The following DPF3 variants were observed in gnomAD, a reference collection of about 807,000 sequenced individuals.
DPF3 encodes double PHD fingers 3.
DPF3 carries 18 observed loss-of-function variants against 56.8 expected under a neutral mutation model. That is an observed-to-expected ratio of 0.32 (90% CI 0.22 to 0.47). The LOEUF is 0.47. DPF3 is among the 20% of genes least tolerant of loss of function. The probability of loss-of-function intolerance (pLI) is 1.00; values close to 1 mark genes in which losing one functional copy is unlikely to be tolerated. For missense variants in DPF3, 403 were observed against 488.8 expected, an observed-to-expected ratio of 0.82 and a Z score of 1.65; for synonymous variants, 188 against 180.2, an observed-to-expected ratio of 1.04 and a Z score of -0.35.
intron 1 of DPF3, among the ~76,000 whole-genome samples, chr14:72,878,921 C>T (rs888126484): frequency 1.3e-5 from 2 of 152,242 alleles, no homozygotes; most frequent in African/African-American, 2.4e-5. Flanking sequence ...AGGAATTCTG[C>T]CTTTTTCAGA....
intron 3 of DPF3, among the ~76,000 whole-genome samples, chr14:72,742,919 C>A (rs1599401545): frequency 6.6e-6 from 1 of 152,234 alleles, no homozygotes; most frequent in South Asian, 2.1e-4. Context: ...TCCGCCTGGA[C>A]CACCCCTTTG....
intron 1 of DPF3, among the ~76,000 whole-genome samples, chr14:72,824,737 A>T (rs1883714603): frequency 6.6e-6 from 1 of 151,540 alleles, no homozygotes; most frequent in African/African-American, 2.4e-5. Context: ...ACCCCTGGCT[A>T]ATTTTTGTAT....
intron 7 of DPF3, 134 bp from the exon 8 acceptor site, chr14:72,674,502 G>C: frequency 1.5e-6 from 2 of 1,318,790 alleles, no homozygotes; most frequent in Non-Finnish European, 2.0e-6. Flanking sequence ...TGGCAAATTG[G>C]GCTACGCTTT....
intron 1 of DPF3, among the ~76,000 whole-genome samples, chr14:72,776,215 G>T (rs996187225): frequency 6.6e-6 from 1 of 152,128 alleles, no homozygotes; most frequent in East Asian, 1.9e-4. Flanking sequence ...TTAGGCTAGA[G>T]GAAGCTGGCA....
At chr14:72,755,069 G>A (rs1890736864) in intron 2 of DPF3, among the ~76,000 whole-genome samples, 1 of 152,240 alleles carries the variant, frequency 6.6e-6, no homozygotes, top group African/African-American at 2.4e-5. Flanking sequence ...GCCCAGGCCT[G>A]AGGCCAGAGC....
chr14:72,677,378 G>C (rs2153571119), intron 7 of DPF3, among the ~76,000 whole-genome samples: 1 of 152,228 alleles, frequency 6.6e-6, no homozygotes, highest in Admixed American at 6.5e-5. Context: ...AAACATTTTG[G>C]TACTTGGGAT....
rs1055603399 is a variant in DPF3 at position 72,618,898 on chromosome 14, A to C, written c.*399T>G. Among the ~76,000 whole-genome samples, 4 of 152,214 alleles carry C rather than the reference A, an allele frequency of 2.6e-5. No homozygotes were observed. Among genetic ancestry groups the C allele is most frequent in the Admixed American group, 2.0e-4 (3 of 15,284 alleles). ...AGCTGGGGGCACGGGGGCTGTGCCA[A>C]GATTTCTTGGAACACAATAGATAAA... is the stretch of plus-strand genomic sequence containing the variant. On this transcript the variant is annotated 3_prime_UTR_variant, in exon 11 of 11. Coordinates refer to ENST00000556509, the MANE Select transcript of DPF3 (RefSeq NM_001280542.3).
chr14:72,836,535 C>G, intron 1 of DPF3: 1 of 983,860 alleles, frequency 1.0e-6, no homozygotes, highest in Non-Finnish European at 1.2e-6. Flanking sequence ...TTATGATTGC[C>G]CTGTGGTTGC....
chr14:72,808,091 G>C (rs1388943332), intron 1 of DPF3, among the ~76,000 whole-genome samples: 1 of 152,176 alleles, frequency 6.6e-6, no homozygotes, highest in Admixed American at 6.5e-5. Flanking sequence ...GTAAGGATAA[G>C]GTGGGAGTTA....
intron 8 of DPF3, among the ~76,000 whole-genome samples, chr14:72,651,305 G>T (rs890647123): frequency 6.6e-6 from 1 of 152,216 alleles, no homozygotes; most frequent in Non-Finnish European, 1.5e-5. Context: ...CTCAGCCAGC[G>T]ACTGACCCCT....
At chr14:72,857,957 G>A (rs114522612) in intron 1 of DPF3, among the ~76,000 whole-genome samples, 6,815 of 151,952 alleles carry the variant, frequency 0.045, 433 homozygotes, top group African/African-American at 0.14. Context: ...AAACTGTGTG[G>A]GTGAGAAAAG....
intron 3 of DPF3, among the ~76,000 whole-genome samples, chr14:72,739,282 C>T (rs1890031922): frequency 6.6e-6 from 1 of 151,790 alleles, no homozygotes; most frequent in African/African-American, 2.4e-5. Context: ...ATACAGACAA[C>T]CAGAAAGTGC....
intron 1 of DPF3, among the ~76,000 whole-genome samples, chr14:72,794,767 C>G (rs1362665085): frequency 6.6e-6 from 1 of 152,154 alleles, no homozygotes; most frequent in Non-Finnish European, 1.5e-5. Context: ...TTTTACGGTT[C>G]TAGAGGTCAG....
chr14:72,853,034 C>CGTGTGTGT (rs10522943), intron 1 of DPF3, among the ~76,000 whole-genome samples: 1,859 of 144,092 alleles, frequency 0.013, 44 homozygotes, highest in African/African-American at 0.033. Flanking sequence ...CATAGCCTTG[C>CGTGTGTGT]GTGTGTGTGT....
At chr14:72,662,980 A>C in intron 8 of DPF3, 4 of 521,246 alleles carry the variant, frequency 7.7e-6, no homozygotes, top group Non-Finnish European at 9.8e-6. Flanking sequence ...CCACCAACTA[A>C]TTGCCAAGTT....
chr14:72,628,166 T>C (rs1884946082), intron 9 of DPF3, among the ~76,000 whole-genome samples: 1 of 152,134 alleles, frequency 6.6e-6, no homozygotes, highest in East Asian at 1.9e-4. Flanking sequence ...GTTATAGAGA[T>C]AGTGAGCATC....
intron 7 of DPF3, among the ~76,000 whole-genome samples, chr14:72,676,573 G>A (rs1886918158): frequency 6.6e-6 from 1 of 152,168 alleles, no homozygotes; most frequent in South Asian, 2.1e-4. Flanking sequence ...ACATGTCATG[G>A]GAGAGACTGA....
rs771441311 is a variant in DPF3 at position 72,612,764 on chromosome 14, T to C, written c.*6533A>G. 2.7e-6 allele frequency: 1 copy of C among 366,722 alleles called. No individual in the cohort carries two copies. 22.7% of individuals were successfully genotyped at this position (366,722 alleles called of 1,614,324 possible). A position where few individuals can be genotyped will look rare whatever the true frequency, so the allele number is the denominator to read the frequency against. On this transcript the variant is annotated 3_prime_UTR_variant, in exon 11 of 11. Coordinates refer to ENST00000556509, the MANE Select transcript of DPF3 (RefSeq NM_001280542.3). Reference sequence around the variant, plus strand: ...CCCAACTATTGCCAAATATCTTTCATGAAAAGAAGCATAGGTGAACGAAGG... The same window carrying C: ...CCCAACTATTGCCAAATATCTTTCACGAAAAGAAGCATAGGTGAACGAAGG...
chr14:72,757,881 A>T (rs1236522376), intron 2 of DPF3, among the ~76,000 whole-genome samples: 1 of 152,114 alleles, frequency 6.6e-6, no homozygotes, highest in Non-Finnish European at 1.5e-5. Context: ...TTATTTAACA[A>T]ATGGGGATAC....
Sources: gnomAD v4.1 joint callset for allele counts (sites outside exome capture counted in the v4.1 genomes callset) on GRCh38, gnomAD v4.1.1 for gene constraint, MANE v1.5 for transcripts, NCBI Gene and HGNC (gene_info 2026-07-23, HGNC 2026-07-21) for gene names.